ACYP2: variants seen among roughly 807,000 people sequenced by gnomAD.
ACYP2 encodes the protein acylphosphatase-2.
ACYP2 carries 12 observed loss-of-function variants against 11.2 expected under a neutral mutation model. The observed-to-expected ratio is 1.08, with a 90% confidence interval of 0.69 to 1.74. ACYP2 has a LOEUF of 1.74. Among genes scored for constraint, ACYP2 ranks in the 40% most tolerant of loss-of-function variants. The pLI, the probability that ACYP2 is intolerant of heterozygous loss-of-function variation, is 0.00. For synonymous variants in ACYP2, 43 were observed against 32.2 expected (o/e 1.33, Z -1.13); for missense variants, 134 against 101.9 (o/e 1.31, Z -1.35).
At chr2:54,219,827 G>A (rs55719335) in intron 6 of ACYP2, among the ~76,000 whole-genome samples, 1 of 143,196 alleles carries the variant, frequency 7.0e-6, no homozygotes. Flanking sequence ...ATGTGTGTGT[G>A]TATATATATG....
intron 6 of ACYP2, among the ~76,000 whole-genome samples, chr2:54,303,613 G>A (rs997149433): frequency 6.6e-6 from 1 of 151,970 alleles, no homozygotes; most frequent in African/African-American, 2.4e-5. Flanking sequence ...CCAAATAAAG[G>A]GTTAAAAAGC....
chr2:54,094,519 A>G (rs1678410071), intron 4 of ACYP2, among the ~76,000 whole-genome samples: 2 of 151,474 alleles, frequency 1.3e-5, no homozygotes, highest in South Asian at 2.1e-4. Context: ...GTGAGCCACC[A>G]TGCCCGGCCC....
chr2:54,264,306 C>T (rs1436654761), intron 6 of ACYP2, among the ~76,000 whole-genome samples: 3 of 152,148 alleles, frequency 2.0e-5, no homozygotes, highest in Non-Finnish European at 4.4e-5. Flanking sequence ...GCTTCCACAG[C>T]GTGGAAGGCG....
chr2:54,065,861 C>A (rs1263831827), intron 4 of ACYP2: 2 of 211,152 alleles, frequency 9.5e-6, no homozygotes, highest in Non-Finnish European at 9.3e-6. Flanking sequence ...ATCATCAGCA[C>A]TTACAAGATG....
intron 6 of ACYP2, chr2:54,255,540 G>A (rs1687460494): frequency 1.9e-6 from 3 of 1,613,600 alleles, no homozygotes; most frequent in South Asian, 1.1e-5. Context: ...TGGACTCCAG[G>A]GGGTTCAGGT....
At chr2:54,271,030 T>C (rs1688273845) in intron 6 of ACYP2, among the ~76,000 whole-genome samples, 1 of 152,242 alleles carries the variant, frequency 6.6e-6, no homozygotes, top group African/African-American at 2.4e-5. Flanking sequence ...GCAGAGATGA[T>C]AAAAGTGAGA....
rs80021707 is a variant in ACYP2, at chr2:54,134,258, A to G, written c.278-1195A>G. Among the ~76,000 whole-genome samples, 1,011 of 152,248 alleles carry G rather than the reference A, an allele frequency of 6.6e-3. 17 individuals carry two copies. The highest frequency in any genetic ancestry group is 0.023 in the African/African-American group (973 of 41,532). On this transcript the variant is annotated intron_variant, in intron 4 of 6. Transcript: ENST00000607452. ...CAGTGAGCTACGATTGCATCACTGT[A>G]TTCCAGCCTGGGTGCAGAGCAAGAC...
intron 6 of ACYP2, among the ~76,000 whole-genome samples, chr2:54,278,134 T>C (rs1688689689): frequency 6.6e-6 from 1 of 152,080 alleles, no homozygotes; most frequent in South Asian, 2.1e-4. Context: ...CCCGCCACCA[T>C]GCCGAGCTAA....
At chr2:54,062,962 T>C (rs1676544836) in intron 4 of ACYP2, among the ~76,000 whole-genome samples, 1 of 152,060 alleles carries the variant, frequency 6.6e-6, no homozygotes, top group African/African-American at 2.4e-5. Flanking sequence ...AAGCACAATA[T>C]CCCATATTCA....
At chr2:54,106,640 A>C (rs1032035877) in intron 4 of ACYP2, among the ~76,000 whole-genome samples, 11 of 152,164 alleles carry the variant, frequency 7.2e-5, no homozygotes, top group African/African-American at 2.4e-4. Flanking sequence ...GGAGGCTACA[A>C]TGGCATGATC....
rs1026131967 is a variant in ACYP2, at chr2:54,231,774, G to T, written c.405-72914G>T. On this transcript the variant is annotated intron_variant, in intron 6 of 6. Transcript: ENST00000607452. ...TTCTAAATAAGAAAATGCTTTTGAT[G>T]TAAGAGTCCATTTCCTGCCTCTCGG... is the stretch of plus-strand genomic sequence containing the variant. 2.6e-5 allele frequency among the ~76,000 whole-genome samples: 4 copies of T among 152,208 alleles called. No individual in the cohort carries two copies. In the South Asian group the frequency reaches 8.3e-4, roughly 32 times the overall value.
intron 6 of ACYP2, among the ~76,000 whole-genome samples, chr2:54,266,698 C>G (rs559644123): frequency 7.1e-6 from 1 of 141,002 alleles, no homozygotes; most frequent in African/African-American, 2.6e-5. Context: ...CTCCGCCGTC[C>G]GGGTTCACGC....
intron 2 of ACYP2, among the ~76,000 whole-genome samples, chr2:54,031,176 G>A (rs531163259): frequency 3.3e-5 from 5 of 151,998 alleles, no homozygotes; most frequent in Admixed American, 6.6e-5. Flanking sequence ...TGCACAATGC[G>A]CAGGTTTGTT....
At chr2:54,238,983 T>C (rs989255529) in intron 6 of ACYP2, among the ~76,000 whole-genome samples, 3 of 151,900 alleles carry the variant, frequency 2.0e-5, no homozygotes, top group Non-Finnish European at 4.4e-5. Context: ...GACCCATCAT[T>C]TTTTATGGGC....
intron 2 of ACYP2, chr2:53,975,223 CAA>C (rs11437709): frequency 2.5e-3 from 825 of 328,656 alleles, no homozygotes; most frequent in Non-Finnish European, 2.7e-3. Flanking sequence ...GACTCTGTCT[CAA>C]AAAAAAAAAA....
intron 6 of ACYP2, chr2:54,142,173 A>G (rs1681646822): frequency 2.9e-6 from 1 of 346,500 alleles, no homozygotes; most frequent in East Asian, 4.2e-5. Context: ...ATTTTTGAGA[A>G]CAGTTTTATA....
intron 4 of ACYP2, among the ~76,000 whole-genome samples, chr2:54,078,810 C>G (rs1677491468): frequency 6.6e-6 from 1 of 152,098 alleles, no homozygotes; most frequent in African/African-American, 2.4e-5. Context: ...GTTGGCCAGG[C>G]TGGTCTGGAA....
At chr2:54,151,465 C>G (rs1040025933) in intron 6 of ACYP2, among the ~76,000 whole-genome samples, 2 of 152,218 alleles carry the variant, frequency 1.3e-5, no homozygotes, top group Non-Finnish European at 2.9e-5. Flanking sequence ...CATCAAGTTC[C>G]TTTTTACACA....
chr2:54,250,371 G>T (rs1279458413), intron 6 of ACYP2, among the ~76,000 whole-genome samples: 2 of 151,826 alleles, frequency 1.3e-5, no homozygotes, highest in African/African-American at 4.8e-5. Flanking sequence ...TACTCAGGAG[G>T]CTGAGGCAGG....
Sources: gnomAD v4.1 joint callset for allele counts (sites outside exome capture counted in the v4.1 genomes callset) on GRCh38, gnomAD v4.1.1 for gene constraint, MANE v1.5 for transcripts, NCBI Gene and HGNC (gene_info 2026-07-23, HGNC 2026-07-21) for gene names.